The following GNAL variants were observed in gnomAD, a reference collection of about 807,000 sequenced individuals.
The protein encoded by GNAL is G protein subunit alpha L.
Under a neutral mutation model 55.1 loss-of-function variants are expected in GNAL, and 18 were observed. The ratio of observed to expected loss-of-function variants is 0.33; its 90% CI spans 0.23 to 0.48. The LOEUF (loss-of-function observed/expected upper bound fraction) is 0.48. GNAL is among the 20% of genes least tolerant of loss of function. The probability of loss-of-function intolerance (pLI) is 0.99; values close to 1 mark genes in which losing one functional copy is unlikely to be tolerated. For synonymous variants in GNAL, 253 were observed against 237.0 expected (o/e 1.07, Z -0.62); for missense variants, 412 against 614.1 (o/e 0.67, Z 3.48).
intron 1 of GNAL, among the ~76,000 whole-genome samples, chr18:11,734,176 G>A (rs1443995454): frequency 4.2e-5 from 6 of 141,848 alleles, no homozygotes; most frequent in African/African-American, 1.3e-4. Flanking sequence ...AGACAGCCTC[G>A]CTCTGTCACC....
At chr18:11,742,059 C>T (rs933913216) in intron 1 of GNAL, among the ~76,000 whole-genome samples, 1 of 152,202 alleles carries the variant, frequency 6.6e-6, no homozygotes, top group African/African-American at 2.4e-5. Flanking sequence ...CTGGATACCA[C>T]CATTCTACTT....
Position 11,752,609 on chromosome 18 carries a change from G to A in GNAL, c.377-244G>A, listed in dbSNP as rs1257417511. On this transcript the variant is annotated intron_variant, in intron 1 of 11. Coordinates refer to ENST00000334049, the MANE Select transcript of GNAL (RefSeq NM_182978.4). This position sits in a 1 kb window ranked among gnomAD's most constrained non-coding sequence, Gnocchi z 4.5. Reference sequence around the variant, plus strand: ...GCCGAGGGGCGCGCGGCGGCTCCCGGCCCCAGCGGAGCGCACAGCCAGGAG... The same window carrying A: ...GCCGAGGGGCGCGCGGCGGCTCCCGACCCCAGCGGAGCGCACAGCCAGGAG... 1 of 1,566,572 alleles carries A rather than the reference G, an allele frequency of 6.4e-7. No homozygotes were observed.
At position 11,884,348 on chromosome 18, in the gene GNAL, C is replaced by T. The variant is rs186521065; in HGVS notation, c.*3213C>T. On this transcript the variant is annotated 3_prime_UTR_variant, in exon 12 of 12. Transcript: ENST00000334049. ...AGAATTTCTGTGCTGTGCAGAGAGA[C>T]GGCCTGTAATTGGTCTCATCATCCA... 106 of 1,133,694 alleles carry T rather than the reference C, an allele frequency of 9.3e-5. No homozygotes were observed. In the East Asian group the frequency reaches 1.9e-3, roughly 20 times the overall value. 70.2% of individuals were successfully genotyped at this position (1,133,694 alleles called of 1,614,324 possible). A position where few individuals can be genotyped will look rare whatever the true frequency, so the allele number is the denominator to read the frequency against.
At chr18:11,852,000 C>G in intron 5 of GNAL, 6 of 1,613,652 alleles carry the variant, frequency 3.7e-6, no homozygotes, top group Non-Finnish European at 5.1e-6. Flanking sequence ...CGGGCCTCGA[C>G]CTCAACATGG....
Position 11,753,958 on chromosome 18 carries a change from T to G in GNAL, c.624+13T>G. Reference sequence around the variant, plus strand: ...TGAATATTCCCAGGTAAGAAATGCTTACTGAAATATTCTAACTAGTGAAAG... The same window carrying G: ...TGAATATTCCCAGGTAAGAAATGCTGACTGAAATATTCTAACTAGTGAAAG... On this transcript the variant is annotated intron_variant, in intron 4 of 11. Coordinates refer to ENST00000334049, the MANE Select transcript of GNAL (RefSeq NM_182978.4). 6.3e-7 allele frequency: 1 copy of G among 1,587,116 alleles called. No individual in the cohort carries two copies. The highest frequency in any genetic ancestry group is 8.6e-7 in the Non-Finnish European group (1 of 1,157,012).
intron 5 of GNAL, among the ~76,000 whole-genome samples, chr18:11,843,763 C>T (rs1226508971): frequency 1.3e-5 from 2 of 151,296 alleles, no homozygotes; most frequent in Non-Finnish European, 2.9e-5. Context: ...CACCTGAGGT[C>T]GGGAGTTTGA....
At position 11,862,445 on chromosome 18, in the gene GNAL, AC is replaced by A; in HGVS notation, c.775del (p.Gln259ArgfsTer9). On this transcript the variant is annotated frameshift_variant, in exon 6 of 12. Coordinates refer to ENST00000334049, the MANE Select transcript of GNAL (RefSeq NM_182978.4). LOFTEE classifies it high-confidence loss of function. ...SVSLVDYTPTDQDLLRCRVLT... is the reference protein window; with the variant it reads ...SVSLVDYTPTXQDLLRCRVLT... ...AGCTTGGTTGACTACACACCCACAG[AC>A]CAGGTATGTGGAATTAGGGTCCCCC... 1 of 1,610,116 alleles carries A rather than the reference AC, an allele frequency of 6.2e-7. No homozygotes were observed. The highest frequency in any genetic ancestry group is 8.5e-7 in the Non-Finnish European group (1 of 1,176,364).
rs1258483251 is a variant in GNAL, at chr18:11,883,888, A to C, written c.*2753A>C. 6.6e-6 allele frequency: 1 copy of C among 152,228 alleles called. No homozygotes were observed. The highest frequency in any genetic ancestry group is 1.5e-5 in the Non-Finnish European group (1 of 68,156). 9.4% of individuals were successfully genotyped at this position (152,228 alleles called of 1,614,324 possible). ...GTATTTCTAGCGGAGACGAGGTTTC[A>C]CCATGTTGGCCAGGCTGGTCTTGAA... On this transcript the variant is annotated 3_prime_UTR_variant, in exon 12 of 12. Coordinates refer to ENST00000334049, the MANE Select transcript of GNAL (RefSeq NM_182978.4).
At chr18:11,798,376 G>A (rs2034442504) in intron 4 of GNAL, among the ~76,000 whole-genome samples, 1 of 152,152 alleles carries the variant, frequency 6.6e-6, no homozygotes, top group African/African-American at 2.4e-5. Flanking sequence ...GTTAATGGCA[G>A]TATGTCACCA....
intron 4 of GNAL, among the ~76,000 whole-genome samples, chr18:11,801,110 C>A (rs2034509299): frequency 6.6e-6 from 1 of 152,176 alleles, no homozygotes; most frequent in Non-Finnish European, 1.5e-5. Flanking sequence ...GCTCATGAAA[C>A]AAATATTTAC....
intron 4 of GNAL, among the ~76,000 whole-genome samples, chr18:11,793,690 C>T (rs1390881717): frequency 1.3e-5 from 2 of 151,958 alleles, no homozygotes; most frequent in Non-Finnish European, 2.9e-5. Context: ...CTTTGGGAGG[C>T]TGAGTCAGGC....
intron 1 of GNAL, among the ~76,000 whole-genome samples, chr18:11,703,646 G>C (rs189315866): frequency 2.6e-5 from 4 of 152,142 alleles, no homozygotes; most frequent in Non-Finnish European, 1.5e-5. Context: ...AGTGGACTTC[G>C]CTGTGCCTCA....
intron 1 of GNAL, among the ~76,000 whole-genome samples, chr18:11,697,244 G>C (rs1055484316): frequency 9.2e-5 from 14 of 152,198 alleles, no homozygotes; most frequent in Non-Finnish European, 1.8e-4. Context: ...GCCCAGTCAA[G>C]AGATGTGAGG....
intron 5 of GNAL, among the ~76,000 whole-genome samples, chr18:11,827,559 G>A (rs745650585): frequency 6.6e-6 from 1 of 152,138 alleles, no homozygotes; most frequent in East Asian, 1.9e-4. Context: ...GTGGCAGTGA[G>A]CCGAGATTGT....
At chr18:11,867,044 C>T (rs376457513) in intron 7 of GNAL, 124 bp from the exon 8 acceptor site, 32 of 750,190 alleles carry the variant, frequency 4.3e-5, no homozygotes, top group South Asian at 2.2e-4. Context: ...GCCAGTGACC[C>T]GAGCTTGACT....
At chr18:11,793,493 G>A (rs1035415316) in intron 4 of GNAL, among the ~76,000 whole-genome samples, 7 of 151,570 alleles carry the variant, frequency 4.6e-5, no homozygotes, top group African/African-American at 1.7e-4. Context: ...GAGGCAGGAG[G>A]ATCACTTGAG....
rs929948313 is a variant in GNAL, at chr18:11,752,074, G to C, written c.377-779G>C. 1 of 161,698 alleles carries C rather than the reference G, an allele frequency of 6.2e-6. No individual in the cohort carries two copies. Among genetic ancestry groups the C allele is most frequent in the African/African-American group, 2.4e-5 (1 of 41,746 alleles). 10.0% of individuals were successfully genotyped at this position (161,698 alleles called of 1,614,324 possible). On this transcript the variant is annotated intron_variant, in intron 1 of 11. Coordinates refer to ENST00000334049, the MANE Select transcript of GNAL (RefSeq NM_182978.4). This position sits in a 1 kb window ranked among gnomAD's most constrained non-coding sequence, Gnocchi z 4.5. ...AGCGAGGCTTGGAGTGCGGGCGAAG[G>C]GACGTGGGGCGAACCCGGGGCGCTG...
chr18:11,808,320 T>C (rs949960783), intron 4 of GNAL, among the ~76,000 whole-genome samples: 1 of 152,166 alleles, frequency 6.6e-6, no homozygotes, highest in Non-Finnish European at 1.5e-5. Context: ...TGGCTGTGGC[T>C]GGAGCAGAAG....
chr18:11,879,891 GCC>G (rs1159661211), intron 11 of GNAL, among the ~76,000 whole-genome samples: 3 of 146,880 alleles, frequency 2.0e-5, no homozygotes, highest in African/African-American at 5.4e-5. Flanking sequence ...ATGCTAAACT[GCC>G]CCTGTGTGGA....
Sources: allele counts gnomAD v4.1 joint callset (sites outside exome capture counted in the v4.1 genomes callset), GRCh38; gene constraint gnomAD v4.1.1; non-coding constraint Gnocchi (gnomAD v3.1); transcripts MANE v1.5; gene names NCBI Gene and HGNC (gene_info 2026-07-23, HGNC 2026-07-21).